Variants in ACOXL observed in about 807,000 individuals in gnomAD.
ACOXL encodes the protein acyl-CoA oxidase like.
ACOXL carries 70 observed loss-of-function variants against 71.9 expected under a neutral mutation model. That is an observed-to-expected ratio of 0.97 (90% confidence interval 0.80 to 1.19). The LOEUF (loss-of-function observed/expected upper bound fraction) is 1.19, where lower values mean the gene tolerates loss of function less well. Among genes scored for constraint, ACOXL ranks in the 50% most tolerant of loss-of-function variants. The pLI is 0.00. For synonymous variants in ACOXL, 253 were observed against 281.6 expected (o/e 0.90, Z 1.02); for missense variants, 703 against 736.3 (o/e 0.95, Z 0.52).
chr2:111,011,686 C>A (rs949332243), intron 14 of ACOXL, among the ~76,000 whole-genome samples: 1 of 151,870 alleles, frequency 6.6e-6, no homozygotes, highest in Non-Finnish European at 1.5e-5. Flanking sequence ...AGTTTGAGAC[C>A]AGCCTGACCA....
At chr2:110,977,396 G>A (rs200590436) in intron 12 of ACOXL, among the ~76,000 whole-genome samples, 49 of 149,806 alleles carry the variant, frequency 3.3e-4, no homozygotes, top group Admixed American at 9.3e-4. Flanking sequence ...AAAAAAAAAA[G>A]AAAAAACACA....
chr2:110,920,669 CT>C (rs138228175), intron 11 of ACOXL, among the ~76,000 whole-genome samples: 6 of 150,272 alleles, frequency 4.0e-5, no homozygotes, highest in Admixed American at 6.6e-5. Context: ...TTTGGCTATT[CT>C]TTTTTTTTGG....
At chr2:110,921,918 A>G (rs1389806794) in intron 11 of ACOXL, among the ~76,000 whole-genome samples, 3 of 152,192 alleles carry the variant, frequency 2.0e-5, no homozygotes. Flanking sequence ...TGGTCCAATA[A>G]CATCCTTTGT....
intron 1 of ACOXL, among the ~76,000 whole-genome samples, chr2:110,751,800 T>G (rs528025629): frequency 6.6e-6 from 1 of 152,330 alleles, no homozygotes; most frequent in Non-Finnish European, 1.5e-5. Flanking sequence ...GTTAGTTTTG[T>G]CTGTTTTAGA....
At chr2:110,848,789 C>T (rs1692228783) in intron 10 of ACOXL, among the ~76,000 whole-genome samples, 1 of 152,200 alleles carries the variant, frequency 6.6e-6, no homozygotes, top group African/African-American at 2.4e-5. Flanking sequence ...CTCCGGGGAG[C>T]CTTCTGCCTG....
intron 16 of ACOXL, among the ~76,000 whole-genome samples, chr2:111,085,455 T>A (rs924288106): frequency 1.1e-4 from 16 of 152,250 alleles, no homozygotes; most frequent in South Asian, 8.3e-4. Flanking sequence ...ACATGGAAAT[T>A]AAACAACCTG....
chr2:111,072,473 G>A (rs149933185), intron 16 of ACOXL, among the ~76,000 whole-genome samples: 2 of 152,312 alleles, frequency 1.3e-5, no homozygotes, highest in East Asian at 3.9e-4. Flanking sequence ...AGCAGAGTTT[G>A]TTTTTCCATT....
intron 10 of ACOXL, among the ~76,000 whole-genome samples, chr2:110,882,150 A>G (rs1031256177): frequency 1.2e-4 from 18 of 152,198 alleles, no homozygotes; most frequent in Admixed American, 9.2e-4. Flanking sequence ...AGTCTTTTCA[A>G]TTTGAGTGAT....
intron 9 of ACOXL, among the ~76,000 whole-genome samples, chr2:110,814,861 T>C (rs996762898): frequency 2.6e-5 from 4 of 152,242 alleles, no homozygotes; most frequent in Non-Finnish European, 4.4e-5. Context: ...TTGCTTGATA[T>C]TTTGATAATT....
intron 8 of ACOXL, among the ~76,000 whole-genome samples, chr2:110,804,837 T>C (rs1253136002): frequency 1.3e-5 from 2 of 149,690 alleles, no homozygotes; most frequent in South Asian, 2.1e-4. Context: ...GGGAGGGGAG[T>C]ATGGGGAGGG....
chr2:111,055,401 G>C (rs1311227405), intron 16 of ACOXL, among the ~76,000 whole-genome samples: 1 of 152,238 alleles, frequency 6.6e-6, no homozygotes, highest in African/African-American at 2.4e-5. Context: ...GTGGTAGCTA[G>C]TTTAAGCACC....
chr2:110,893,776 G>T (rs1214042524), intron 10 of ACOXL, among the ~76,000 whole-genome samples: 1 of 152,092 alleles, frequency 6.6e-6, no homozygotes, highest in Non-Finnish European at 1.5e-5. Context: ...ATTATCCCTT[G>T]ATTGTAGCAT....
At chr2:110,756,046 C>T (rs1255387191) in intron 1 of ACOXL, among the ~76,000 whole-genome samples, 1 of 152,144 alleles carries the variant, frequency 6.6e-6, no homozygotes, top group Non-Finnish European at 1.5e-5. Context: ...TCTAACATGT[C>T]TCTGTTGAGA....
Position 110,801,705 on chromosome 2 carries a change from AG to A in ACOXL, c.604del (p.Glu202ArgfsTer34). On this transcript the variant is annotated frameshift_variant, in exon 8 of 18. Transcript: ENST00000439055. LOFTEE classifies it high-confidence loss of function. ...AATATTTGACAAGGTTCGGATACCC[AG>A]GGAGAACCTGCTGGATAAGTGAGTA... ...ILIFDKVRIP[R>X]ENLLDKFGSV... 1 of 1,614,158 alleles carries A rather than the reference AG, an allele frequency of 6.2e-7. No individual in the cohort carries two copies. Among genetic ancestry groups the A allele is most frequent in the Non-Finnish European group, 8.5e-7 (1 of 1,179,980 alleles).
chr2:111,067,011 G>A (rs1300870837), intron 16 of ACOXL, among the ~76,000 whole-genome samples: 2 of 152,212 alleles, frequency 1.3e-5, no homozygotes, highest in Non-Finnish European at 2.9e-5. Context: ...GTTGAGTAAC[G>A]GACATATATT....
intron 2 of ACOXL, among the ~76,000 whole-genome samples, chr2:110,777,867 G>C (rs1682843823): frequency 6.6e-6 from 1 of 152,232 alleles, no homozygotes. Flanking sequence ...AGTCGGGGCA[G>C]GTGTCCTATT....
chr2:110,869,466 C>T (rs980964588), intron 10 of ACOXL, among the ~76,000 whole-genome samples: 1 of 152,160 alleles, frequency 6.6e-6, no homozygotes, highest in Admixed American at 6.5e-5. Context: ...GCTCACTGGC[C>T]ACAATGGCAA....
At chr2:110,772,352 C>T (rs940749653) in intron 2 of ACOXL, among the ~76,000 whole-genome samples, 2 of 152,146 alleles carry the variant, frequency 1.3e-5, no homozygotes, top group Non-Finnish European at 2.9e-5. Flanking sequence ...TTACATCTCC[C>T]AGGTGACCCA....
At chr2:111,104,174 C>G (rs902478586) in intron 17 of ACOXL, among the ~76,000 whole-genome samples, 4 of 152,184 alleles carry the variant, frequency 2.6e-5, no homozygotes, top group Admixed American at 1.3e-4. Flanking sequence ...TCCTTTTTAT[C>G]GCTAAGTAGT....
Sources: allele counts gnomAD v4.1 joint callset (sites outside exome capture counted in the v4.1 genomes callset), GRCh38; gene constraint gnomAD v4.1.1; transcripts MANE v1.5; gene names NCBI Gene and HGNC (gene_info 2026-07-23, HGNC 2026-07-21).